Variants in FRAS1 observed in about 807,000 individuals in gnomAD.
FRAS1 encodes the protein extracellular matrix organizing protein FRAS1.
In FRAS1, 290 loss-of-function variants were observed where a neutral mutation model predicts 435.2. The ratio of observed to expected loss-of-function variants is 0.67; its 90% CI spans 0.61 to 0.73. The LOEUF (loss-of-function observed/expected upper bound fraction) is 0.73. Among genes scored for constraint, FRAS1 ranks in the 30% least tolerant of loss-of-function variants. FRAS1 has a pLI of 0.00. For missense variants in FRAS1, 4,860 were observed against 5,001.5 expected (o/e 0.97, Z 0.85); for synonymous variants, 1,800 against 1,851.0 (o/e 0.97, Z 0.71).
intron 20 of FRAS1, among the ~76,000 whole-genome samples, chr4:78,354,546 C>T (rs1159857452): frequency 6.6e-6 from 1 of 152,080 alleles, no homozygotes; most frequent in African/African-American, 2.4e-5. Flanking sequence ...AAGCAGAAAC[C>T]CATCAATTTT....
chr4:78,515,023 G>A (rs1472265529), intron 65 of FRAS1, among the ~76,000 whole-genome samples: 5 of 147,078 alleles, frequency 3.4e-5, no homozygotes, highest in Admixed American at 1.4e-4. Context: ...AGCCGAGATC[G>A]CACCATTGCA....
intron 2 of FRAS1, among the ~76,000 whole-genome samples, chr4:78,081,270 T>C (rs2109876227): frequency 6.6e-6 from 1 of 152,262 alleles, no homozygotes; most frequent in Non-Finnish European, 1.5e-5. Flanking sequence ...ACAGTGAAAA[T>C]GCTCCATATC....
chr4:78,194,575 G>C (rs1722711515), intron 2 of FRAS1, among the ~76,000 whole-genome samples: 1 of 152,120 alleles, frequency 6.6e-6, no homozygotes, highest in Non-Finnish European at 1.5e-5. Flanking sequence ...GGCGACTGAG[G>C]CTTGTGCATT....
At chr4:78,143,880 G>A in intron 2 of FRAS1, among the ~76,000 whole-genome samples, 1 of 149,280 alleles carries the variant, frequency 6.7e-6, no homozygotes, top group East Asian at 1.9e-4. Context: ...CTCCAGCCTG[G>A]GTGATACAGT....
At chr4:78,452,569 T>A (rs1179395504) in intron 47 of FRAS1, among the ~76,000 whole-genome samples, 1 of 152,222 alleles carries the variant, frequency 6.6e-6, no homozygotes, top group Non-Finnish European at 1.5e-5. Flanking sequence ...AAAAGTTACA[T>A]GTAAAATTTT....
intron 63 of FRAS1, 64 bp downstream of exon 63, chr4:78,509,070 A>T (rs1720947276): frequency 6.9e-7 from 1 of 1,457,768 alleles, no homozygotes; most frequent in Non-Finnish European, 9.6e-7. Flanking sequence ...GTTCTTTGTT[A>T]CTCAGATAAT....
At chr4:78,074,072 G>A (rs1338146160) in intron 2 of FRAS1, among the ~76,000 whole-genome samples, 1 of 149,208 alleles carries the variant, frequency 6.7e-6, no homozygotes, top group African/African-American at 2.5e-5. Flanking sequence ...AGTTTGGGTC[G>A]TGACCTGTGA....
At chr4:78,149,118 A>G (rs1034026461) in intron 2 of FRAS1, among the ~76,000 whole-genome samples, 2 of 151,982 alleles carry the variant, frequency 1.3e-5, no homozygotes, top group Non-Finnish European at 2.9e-5. Flanking sequence ...CAATCCCTTT[A>G]GGAGATAGTC....
chr4:78,263,480 G>A (rs1726213092), intron 6 of FRAS1, among the ~76,000 whole-genome samples: 2 of 152,158 alleles, frequency 1.3e-5, no homozygotes, highest in Admixed American at 6.5e-5. Flanking sequence ...TCTACTCCAC[G>A]TTGCTTAAGA....
rs1725415635 is a variant in FRAS1, at chr4:78,249,211, T to A, written c.310-3181T>A. Reference sequence around the variant, plus strand: ...CAAAAGACACAAAAATGGAGTAAACTTAGGTGACTTGTCTCCTGGAGAGAT... The same window carrying A: ...CAAAAGACACAAAAATGGAGTAAACATAGGTGACTTGTCTCCTGGAGAGAT... On this transcript the variant is annotated intron_variant, in intron 4 of 73. Coordinates refer to ENST00000512123, the MANE Select transcript of FRAS1 (RefSeq NM_025074.7). Among the ~76,000 whole-genome samples the A allele has an allele frequency of 4.0e-5, 6 of 149,472 alleles. No homozygotes were observed. In the South Asian group the frequency reaches 1.1e-3, roughly 27 times the overall value.
intron 61 of FRAS1, among the ~76,000 whole-genome samples, chr4:78,505,619 G>A (rs1016300769): frequency 3.3e-5 from 5 of 152,118 alleles, no homozygotes; most frequent in Non-Finnish European, 7.4e-5. Context: ...ATTCTAGTTA[G>A]CCATTCGTCT....
chr4:78,338,057 TGAA>T, intron 20 of FRAS1: 1 of 472,820 alleles, frequency 2.1e-6, no homozygotes, highest in African/African-American at 2.0e-5. Flanking sequence ...CTCATATTAA[TGAA>T]GAATGAAGTG....
At chr4:78,165,960 G>A (rs1013459340) in intron 2 of FRAS1, among the ~76,000 whole-genome samples, 8 of 152,130 alleles carry the variant, frequency 5.3e-5, no homozygotes, top group South Asian at 4.1e-4. Context: ...GAAAGATGGG[G>A]AAATAGAGTC....
chr4:78,308,354 T>C, intron 15 of FRAS1, 145 bp downstream of exon 15: 1 of 891,096 alleles, frequency 1.1e-6, no homozygotes, highest in Non-Finnish European at 1.7e-6. Flanking sequence ...TTGATTTAGA[T>C]GTGCATAACA....
chr4:78,234,226 A>T (rs1724638478), intron 2 of FRAS1, among the ~76,000 whole-genome samples: 1 of 151,362 alleles, frequency 6.6e-6, no homozygotes, highest in Non-Finnish European at 1.5e-5. Flanking sequence ...TATTTTATTT[A>T]TTTTTATTTA....
rs769901028 is a variant in FRAS1, at chr4:78,513,470, T to C, written c.10092T>C (p.His3364=). The C allele has an allele frequency of 2.5e-6, 4 of 1,613,964 alleles. No individual in the cohort carries two copies. The highest frequency in any genetic ancestry group is 1.7e-5 in the Admixed American group (1 of 60,028). Residue 3364 remains histidine (H), a synonymous_variant, in exon 65 of 74, where the codon CAT becomes CAC. Transcript: ENST00000512123. ...LISTMPLHNL[H]FLLSESIYRH... ...CCACCATGCCGTTGCACAACTTACA[T>C]TTTCTACTGTCTGAGTCCATCTACA...
chr4:78,075,226 A>C (rs1027130713), intron 2 of FRAS1, among the ~76,000 whole-genome samples: 2 of 152,204 alleles, frequency 1.3e-5, no homozygotes, highest in Non-Finnish European at 2.9e-5. Context: ...CTTAGTCTTT[A>C]AGCTTTGGGA....
At chr4:78,259,947 T>C (rs186165376) in intron 6 of FRAS1, among the ~76,000 whole-genome samples, 4,656 of 152,114 alleles carry the variant, frequency 0.031, 242 homozygotes, top group African/African-American at 0.11. Flanking sequence ...TTTCCCAGCA[T>C]CATTTATTAA....
rs1051623080 is a variant in FRAS1 at position 78,376,285 on chromosome 4, A to T, written c.3292+406A>T. Among the ~76,000 whole-genome samples, 7 of 152,354 alleles carry T rather than the reference A, an allele frequency of 4.6e-5. 1 individual carries two copies. Among genetic ancestry groups the T allele is most frequent in the African/African-American group, 1.7e-4 (7 of 41,584 alleles). Reference sequence around the variant, plus strand: ...TGAACTCCATGGAGTGTACTTACACAAACCTAGATGGTATAGCCTACTACA... The same window carrying T: ...TGAACTCCATGGAGTGTACTTACACTAACCTAGATGGTATAGCCTACTACA... On this transcript the variant is annotated intron_variant, in intron 26 of 73. Transcript: ENST00000512123.
Sources: allele counts gnomAD v4.1 joint callset (sites outside exome capture counted in the v4.1 genomes callset), GRCh38; gene constraint gnomAD v4.1.1; transcripts MANE v1.5; gene names NCBI Gene and HGNC (gene_info 2026-07-23, HGNC 2026-07-21).